NRG3: variants seen among roughly 807,000 people sequenced by gnomAD.
The protein encoded by NRG3 is neuregulin 3, also known as pro-neuregulin-3, membrane-bound isoform.
In NRG3, 31 loss-of-function variants were observed where a neutral mutation model predicts 66.9. The ratio of observed to expected loss-of-function variants is 0.46; its 90% CI spans 0.35 to 0.63. The LOEUF is 0.63. Ranked by LOEUF, NRG3 falls within the 20% of genes least tolerant of loss-of-function variation. The pLI is 0.00. For synonymous variants in NRG3, 393 were observed against 359.4 expected, an observed-to-expected ratio of 1.09 and a Z score of -1.06; for missense variants, 910 against 878.9, an observed-to-expected ratio of 1.04 and a Z score of -0.45.
chr10:82,699,362 T>C (rs1050096282), intron 2 of NRG3, among the ~76,000 whole-genome samples: 2 of 151,792 alleles, frequency 1.3e-5, no homozygotes, highest in Non-Finnish European at 2.9e-5. Context: ...GGAGGAAGTA[T>C]CAATAAATTA....
At chr10:82,420,259 A>G (rs1482512115) in intron 2 of NRG3, among the ~76,000 whole-genome samples, 4 of 152,162 alleles carry the variant, frequency 2.6e-5, no homozygotes, top group Non-Finnish European at 5.9e-5. Context: ...TCTGTGGCAC[A>G]ATTTGAAACA....
intron 1 of NRG3, among the ~76,000 whole-genome samples, chr10:82,157,800 A>G (rs2071293727): frequency 1.3e-5 from 2 of 151,806 alleles, no homozygotes; most frequent in South Asian, 4.2e-4. Flanking sequence ...TCCAGGTGGG[A>G]AATTTGATCA....
At chr10:82,408,090 A>G (rs566947821) in intron 2 of NRG3, among the ~76,000 whole-genome samples, 2 of 65,132 alleles carry the variant, frequency 3.1e-5, no homozygotes, top group African/African-American at 5.6e-5. Context: ...AGAGACAGAA[A>G]GAAAGAAAGA....
chr10:82,823,062 A>C (rs1015264732), intron 3 of NRG3, among the ~76,000 whole-genome samples: 1 of 152,098 alleles, frequency 6.6e-6, no homozygotes, highest in Non-Finnish European at 1.5e-5. Flanking sequence ...CAGAGAGATC[A>C]TCTGGGTATT....
At chr10:81,942,247 G>T (rs1404858200) in intron 1 of NRG3, among the ~76,000 whole-genome samples, 1 of 152,030 alleles carries the variant, frequency 6.6e-6, no homozygotes, top group Non-Finnish European at 1.5e-5. Context: ...AAATGCGACT[G>T]CGTTTTAGTG....
chr10:82,234,434 T>A (rs1351366804), intron 1 of NRG3, among the ~76,000 whole-genome samples: 2 of 152,218 alleles, frequency 1.3e-5, no homozygotes, highest in Non-Finnish European at 2.9e-5. Context: ...ACTTGTGACC[T>A]TATTTTGTGT....
intron 1 of NRG3, among the ~76,000 whole-genome samples, chr10:82,097,367 G>T: frequency 1.6e-5 from 1 of 61,292 alleles, no homozygotes; most frequent in South Asian, 6.2e-4. Flanking sequence ...TTTCCAGATG[G>T]TTACACACAC....
chr10:82,817,554 C>A (rs930923185), intron 3 of NRG3, among the ~76,000 whole-genome samples: 1 of 152,024 alleles, frequency 6.6e-6, no homozygotes, highest in African/African-American at 2.4e-5. Flanking sequence ...TTATTTTGTC[C>A]AAATTGGTCC....
Position 82,802,777 on chromosome 10 carries a change from T to C in NRG3, c.1028-62634T>C, listed in dbSNP as rs565226958. 1.4e-4 allele frequency among the ~76,000 whole-genome samples: 21 copies of C among 152,170 alleles called. No individual in the cohort carries two copies. The South Asian group carries it at 4.4e-3, about 32-fold the overall frequency. On this transcript the variant is annotated intron_variant, in intron 3 of 8. Transcript: ENST00000372141. ...CAACCATCTGCCCCACTCAGCCTCC[T>C]AAGTAGCTGGGACTACAGGCACGCA...
chr10:82,776,146 A>G (rs1308153685), intron 3 of NRG3, among the ~76,000 whole-genome samples: 1 of 152,182 alleles, frequency 6.6e-6, no homozygotes, highest in Non-Finnish European at 1.5e-5. Flanking sequence ...CATTTTGCAT[A>G]TCTGAAATAA....
intron 1 of NRG3, among the ~76,000 whole-genome samples, chr10:82,345,883 A>G (rs927879362): frequency 6.6e-6 from 1 of 151,638 alleles, no homozygotes; most frequent in Non-Finnish European, 1.5e-5. Context: ...GTTGGTGTAT[A>G]AGAATGCTTG....
At chr10:82,061,871 A>AC (rs1564782363) in intron 1 of NRG3, among the ~76,000 whole-genome samples, 8 of 128,520 alleles carry the variant, frequency 6.2e-5, no homozygotes, top group Admixed American at 1.5e-4. Context: ...TCACACACAC[A>AC]AACACACACA....
At chr10:82,110,602 T>C (rs933731033) in intron 1 of NRG3, among the ~76,000 whole-genome samples, 1 of 143,796 alleles carries the variant, frequency 7.0e-6, no homozygotes. Context: ...GATATTAATA[T>C]AGTTTTTTTT....
At chr10:82,204,676 C>A (rs1381079634) in intron 1 of NRG3, among the ~76,000 whole-genome samples, 2 of 152,114 alleles carry the variant, frequency 1.3e-5, no homozygotes, top group Non-Finnish European at 2.9e-5. Context: ...TTACATCATT[C>A]TTCATTGCTA....
chr10:82,624,903 A>C (rs1347298310), intron 2 of NRG3, among the ~76,000 whole-genome samples: 1 of 126,150 alleles, frequency 7.9e-6, no homozygotes, highest in African/African-American at 2.8e-5. Context: ...ATAAATATAA[A>C]TATATATATA....
At chr10:82,196,733 C>T (rs951801342) in intron 1 of NRG3, among the ~76,000 whole-genome samples, 1 of 152,122 alleles carries the variant, frequency 6.6e-6, no homozygotes, top group African/African-American at 2.4e-5. Flanking sequence ...ACATGAGCTA[C>T]AGTGAGTGAG....
chr10:82,887,303 A>C (rs905006156), intron 4 of NRG3, among the ~76,000 whole-genome samples: 1 of 152,196 alleles, frequency 6.6e-6, no homozygotes, highest in Non-Finnish European at 1.5e-5. Context: ...ATTACGCTGA[A>C]AGTGTGATGC....
At chr10:82,681,160 G>A (rs1373936723) in intron 2 of NRG3, among the ~76,000 whole-genome samples, 1 of 152,194 alleles carries the variant, frequency 6.6e-6, no homozygotes, top group African/African-American at 2.4e-5. Context: ...TGCCTTTTGG[G>A]TAAGCTTTAG....
intron 2 of NRG3, among the ~76,000 whole-genome samples, chr10:82,506,129 C>A (rs1590388366): frequency 1.3e-5 from 2 of 152,194 alleles, no homozygotes; most frequent in Non-Finnish European, 2.9e-5. Flanking sequence ...GTGCCTGTAA[C>A]CCCAGCTACT....
Sources: allele counts gnomAD v4.1 joint callset (sites outside exome capture counted in the v4.1 genomes callset), GRCh38; gene constraint gnomAD v4.1.1; transcripts MANE v1.5; gene names NCBI Gene and HGNC (gene_info 2026-07-23, HGNC 2026-07-21).